Variants in IQSEC1 observed in about 807,000 individuals in gnomAD.
The protein encoded by IQSEC1 is IQ motif and SEC7 domain-containing protein 1.
A neutral mutation model predicts 91.0 loss-of-function variants in IQSEC1; 31 were observed. The ratio of observed to expected loss-of-function variants is 0.34; its 90% CI spans 0.26 to 0.46. The LOEUF (loss-of-function observed/expected upper bound fraction) is 0.46, where lower values mean the gene tolerates loss of function less well. Ranked by LOEUF, IQSEC1 falls within the 20% of genes least tolerant of loss-of-function variation. The probability of loss-of-function intolerance (pLI) is 1.00; values close to 1 mark genes in which losing one functional copy is unlikely to be tolerated. For synonymous variants in IQSEC1, 699 were observed against 662.6 expected, an observed-to-expected ratio of 1.05 and a Z score of -0.84; for missense variants, 1,388 against 1,575.6, an observed-to-expected ratio of 0.88 and a Z score of 2.02.
intron 1 of IQSEC1, among the ~76,000 whole-genome samples, chr3:13,030,418 G>A (rs1703801460): frequency 6.6e-6 from 1 of 152,184 alleles, no homozygotes; most frequent in African/African-American, 2.4e-5. Flanking sequence ...CCTTTATGGT[G>A]CACTCTCTTT....
intron 1 of IQSEC1, among the ~76,000 whole-genome samples, chr3:12,986,790 G>T (rs1701759057): frequency 6.6e-6 from 1 of 152,238 alleles, no homozygotes; most frequent in South Asian, 2.1e-4. Context: ...GTGCGCATAT[G>T]TGAGCTCATG....
chr3:13,163,023 C>T (rs1707206616), intron 2 of IQSEC1, among the ~76,000 whole-genome samples: 1 of 152,132 alleles, frequency 6.6e-6, no homozygotes, highest in Admixed American at 6.5e-5. Context: ...TCCAGTTCCC[C>T]TTCTGAGCAT....
intron 2 of IQSEC1, among the ~76,000 whole-genome samples, chr3:13,082,767 C>T (rs1705666706): frequency 6.6e-6 from 1 of 152,222 alleles, no homozygotes; most frequent in Non-Finnish European, 1.5e-5. Flanking sequence ...TCTCGGAGAC[C>T]TGTGCGGACG....
intron 1 of IQSEC1, among the ~76,000 whole-genome samples, chr3:13,169,478 T>A (rs1197301026): frequency 1.3e-5 from 2 of 152,146 alleles, no homozygotes; most frequent in African/African-American, 4.8e-5. Context: ...ACCAAAAATG[T>A]GGAAGCGACT....
intron 1 of IQSEC1, among the ~76,000 whole-genome samples, chr3:13,224,280 G>C (rs1247830695): frequency 1.3e-5 from 2 of 152,104 alleles, no homozygotes; most frequent in East Asian, 3.9e-4. Flanking sequence ...GAACCCAGGA[G>C]GTCAGCAGGA....
intron 1 of IQSEC1, among the ~76,000 whole-genome samples, chr3:13,234,549 G>A (rs544066246): frequency 6.6e-6 from 1 of 152,156 alleles, no homozygotes; most frequent in East Asian, 1.9e-4. Context: ...ATGTCATCTT[G>A]CGCTATTACT....
intron 1 of IQSEC1, among the ~76,000 whole-genome samples, chr3:12,993,508 CG>C (rs1702085785): frequency 8.5e-6 from 1 of 117,270 alleles, no homozygotes. Context: ...AGTGCGGAGT[CG>C]GGGGGTGGGG....
chr3:13,253,021 C>T (rs748778554), intron 1 of IQSEC1, among the ~76,000 whole-genome samples: 5 of 152,190 alleles, frequency 3.3e-5, no homozygotes, highest in Admixed American at 6.5e-5. Context: ...CGTAAGCCAC[C>T]GCACCCGGTC....
At chr3:13,124,777 C>G (rs966880689) in intron 2 of IQSEC1, among the ~76,000 whole-genome samples, 3 of 43,850 alleles carry the variant, frequency 6.8e-5, no homozygotes, top group East Asian at 6.3e-4. Context: ...GCTCCTGGAT[C>G]CCCCCCAGAC....
At chr3:12,955,549 A>G (rs1699848443) in intron 1 of IQSEC1, among the ~76,000 whole-genome samples, 1 of 152,218 alleles carries the variant, frequency 6.6e-6, no homozygotes, top group Admixed American at 6.5e-5. Context: ...TATCAGTGCC[A>G]CAGAGGGGCC....
chr3:12,989,892 G>A (rs1453577415), intron 1 of IQSEC1, among the ~76,000 whole-genome samples: 1 of 152,120 alleles, frequency 6.6e-6, no homozygotes, highest in African/African-American at 2.4e-5. Flanking sequence ...CAAAGAGTCC[G>A]GCTCTCTGAC....
Position 13,173,385 on chromosome 3 carries a change from C to A in IQSEC1, c.273-9252G>T, listed in dbSNP as rs143939615. Among the ~76,000 whole-genome samples, 175 of 152,352 alleles carry A rather than the reference C, an allele frequency of 1.1e-3. 3 individuals carry two copies. In the East Asian group the frequency reaches 0.03, roughly 27 times the overall value. ...CAGAGAACTAAATAGGACCTCAGCA[C>A]CTGCAGCCCGGGCTCCCCCGGGGGC... is the stretch of plus-strand genomic sequence containing the variant. On this transcript the variant is annotated intron_variant, in intron 1 of 15. Transcript: ENST00000648114.
chr3:13,168,010 A>G (rs988740449), intron 1 of IQSEC1, among the ~76,000 whole-genome samples: 3 of 152,196 alleles, frequency 2.0e-5, no homozygotes, highest in African/African-American at 7.2e-5. Flanking sequence ...AATTGGCTCC[A>G]GTTTCCAGGT....
At chr3:13,025,779 C>A (rs1396774485) in intron 1 of IQSEC1, among the ~76,000 whole-genome samples, 10 of 152,214 alleles carry the variant, frequency 6.6e-5, no homozygotes, top group African/African-American at 2.4e-4. Flanking sequence ...CACTGGGGGT[C>A]CGTGCAGCCT....
intron 12 of IQSEC1, among the ~76,000 whole-genome samples, chr3:12,904,411 T>C (rs1275536926): frequency 6.6e-6 from 1 of 152,328 alleles, no homozygotes; most frequent in African/African-American, 2.4e-5. Flanking sequence ...TGCTGAAGAC[T>C]AGGACAGCCA....
intron 1 of IQSEC1, 38 bp from the exon 2 acceptor site, chr3:12,941,903 G>C: frequency 6.5e-7 from 1 of 1,530,026 alleles, no homozygotes; most frequent in South Asian, 1.2e-5. Flanking sequence ...TCTGGTAAGC[G>C]GGAAATCTGA....
At chr3:13,093,800 C>T (rs11128633) in intron 2 of IQSEC1, among the ~76,000 whole-genome samples, 73,425 of 151,982 alleles carry the variant, frequency 0.48, 17,972 homozygotes, top group East Asian at 0.58. Flanking sequence ...TGTTGGTCCA[C>T]GTGACTCCGC....
At chr3:12,927,489 G>A (rs1697260437) in intron 3 of IQSEC1, among the ~76,000 whole-genome samples, 1 of 145,758 alleles carries the variant, frequency 6.9e-6, no homozygotes, top group Non-Finnish European at 1.5e-5. Flanking sequence ...GGTCCCTCCA[G>A]GCCACCGCTG....
chr3:13,135,970 C>T (rs368792580), intron 2 of IQSEC1, among the ~76,000 whole-genome samples: 1 of 152,188 alleles, frequency 6.6e-6, no homozygotes, highest in Non-Finnish European at 1.5e-5. Context: ...GACCCTCGTG[C>T]GGGACTCTGC....
Sources: allele counts gnomAD v4.1 joint callset (sites outside exome capture counted in the v4.1 genomes callset), GRCh38; gene constraint gnomAD v4.1.1; transcripts MANE v1.5; gene names NCBI Gene and HGNC (gene_info 2026-07-23, HGNC 2026-07-21).